MACROD2: variants seen among roughly 807,000 people sequenced by gnomAD.
MACROD2 encodes mono-ADP ribosylhydrolase 2.
In MACROD2, 36 loss-of-function variants were observed where a neutral mutation model predicts 70.4. The observed-to-expected ratio is 0.51, with a 90% CI of 0.39 to 0.68. MACROD2 has a LOEUF of 0.68. Ranked by LOEUF, MACROD2 falls within the 30% of genes least tolerant of loss-of-function variation. MACROD2 has a pLI of 0.00. For missense variants in MACROD2, 496 were observed against 538.4 expected (o/e 0.92, Z 0.78); for synonymous variants, 172 against 178.8 (o/e 0.96, Z 0.30).
At chr20:15,485,482 C>CA (rs2047152421) in intron 7 of MACROD2, among the ~76,000 whole-genome samples, 1 of 152,130 alleles carries the variant, frequency 6.6e-6, no homozygotes, top group African/African-American at 2.4e-5. Context: ...ACAGCTCAAG[C>CA]AGGAGAACAG....
chr20:14,938,113 T>C (rs987774647), intron 5 of MACROD2, among the ~76,000 whole-genome samples: 2 of 152,070 alleles, frequency 1.3e-5, no homozygotes, highest in Non-Finnish European at 2.9e-5. Context: ...CTTTGGTTGA[T>C]TCCATATTTT....
At chr20:14,333,833 A>C (rs1366167730) in intron 3 of MACROD2, among the ~76,000 whole-genome samples, 1 of 152,204 alleles carries the variant, frequency 6.6e-6, no homozygotes, top group Admixed American at 6.5e-5. Context: ...GAAGAAAATC[A>C]ACAACACATA....
chr20:15,657,353 A>C (rs2049746899), intron 8 of MACROD2, among the ~76,000 whole-genome samples: 1 of 152,202 alleles, frequency 6.6e-6, no homozygotes, highest in Non-Finnish European at 1.5e-5. Context: ...AGAAAGAGAA[A>C]TCGAATTCGG....
intron 6 of MACROD2, among the ~76,000 whole-genome samples, chr20:15,289,723 G>A (rs982808952): frequency 1.3e-5 from 2 of 152,170 alleles, no homozygotes; most frequent in African/African-American, 4.8e-5. Context: ...ACTAAAAAGA[G>A]CACTTTTATG....
intron 4 of MACROD2, among the ~76,000 whole-genome samples, chr20:14,498,691 T>A (rs2084883692): frequency 2.0e-5 from 3 of 152,190 alleles, no homozygotes. Flanking sequence ...TCACAAAAAA[T>A]CTGAGTTGCT....
intron 5 of MACROD2, among the ~76,000 whole-genome samples, chr20:14,848,558 A>G (rs2073166672): frequency 6.6e-6 from 1 of 152,160 alleles, no homozygotes; most frequent in Non-Finnish European, 1.5e-5. Flanking sequence ...AGTAAAAAGC[A>G]GGGCCGGAAT....
At chr20:14,310,783 T>G (rs1364061875) in intron 3 of MACROD2, among the ~76,000 whole-genome samples, 1 of 152,158 alleles carries the variant, frequency 6.6e-6, no homozygotes, top group Non-Finnish European at 1.5e-5. Context: ...GTGATCCTGA[T>G]CCTTTTTAGG....
chr20:15,032,724 G>T (rs1397853752), intron 5 of MACROD2, among the ~76,000 whole-genome samples: 1 of 152,116 alleles, frequency 6.6e-6, no homozygotes, highest in East Asian at 1.9e-4. Flanking sequence ...TTCACTTTTT[G>T]GCATATACCT....
At position 15,713,991 on chromosome 20, in the gene MACROD2, A is replaced by G. The variant is rs1387449219; in HGVS notation, c.646-148754A>G. Among the ~76,000 whole-genome samples the G allele has an allele frequency of 4.3e-5, 5 of 117,014 alleles. No homozygotes were observed. The East Asian group carries it at 1.1e-3, about 27-fold the overall frequency. The allele number at this position is 117,014 out of a possible 152,430, so 76.8% of individuals were successfully genotyped here. On this transcript the variant is annotated intron_variant, in intron 8 of 17. Coordinates refer to ENST00000684519, the MANE Select transcript of MACROD2 (RefSeq NM_001351661.2). ...CTAGTAAACACACACACATATGCACACACACACACACACACACACACACAC... is the reference window on the plus strand; with the variant it reads ...CTAGTAAACACACACACATATGCACGCACACACACACACACACACACACAC...
chr20:15,885,824 T>A lies in MACROD2; in HGVS notation c.775+13T>A, dbSNP rs762129256. On this transcript the variant is annotated intron_variant, in intron 10 of 17. Coordinates refer to ENST00000684519, the MANE Select transcript of MACROD2 (RefSeq NM_001351661.2). ...AAAGAAGATTCAGGTATTAAATTCATACTTTTATTATTAGGGGGTAGGTAG... is the reference window on the plus strand; with the variant it reads ...AAAGAAGATTCAGGTATTAAATTCAAACTTTTATTATTAGGGGGTAGGTAG... 1.3e-6 allele frequency: 2 copies of A among 1,500,922 alleles called. No individual in the cohort carries two copies. The highest frequency in any genetic ancestry group is 1.8e-6 in the Non-Finnish European group (2 of 1,125,760). 93.0% of individuals were successfully genotyped at this position (1,500,922 alleles called of 1,614,324 possible).
At chr20:15,570,608 A>G (rs1489035846) in intron 8 of MACROD2, among the ~76,000 whole-genome samples, 1 of 152,176 alleles carries the variant, frequency 6.6e-6, no homozygotes, top group East Asian at 1.9e-4. Context: ...ATTGGCACTC[A>G]CACTTTTTCT....
chr20:15,446,655 G>A (rs745903570), intron 7 of MACROD2, among the ~76,000 whole-genome samples: 14 of 152,188 alleles, frequency 9.2e-5, no homozygotes, highest in Non-Finnish European at 1.8e-4. Context: ...CTGTGAAAGT[G>A]ATCACCGGCA....
At chr20:14,913,002 C>A (rs1181842837) in intron 5 of MACROD2, among the ~76,000 whole-genome samples, 1 of 152,060 alleles carries the variant, frequency 6.6e-6, no homozygotes, top group Admixed American at 6.5e-5. Flanking sequence ...CAAATTCTGT[C>A]TCTCTTCTAT....
intron 5 of MACROD2, among the ~76,000 whole-genome samples, chr20:14,864,363 A>G (rs1311728822): frequency 6.6e-6 from 1 of 152,108 alleles, no homozygotes; most frequent in Non-Finnish European, 1.5e-5. Flanking sequence ...CTATTTCTCC[A>G]TGTAACTTCA....
chr20:16,043,191 C>G (rs6043684), intron 16 of MACROD2, among the ~76,000 whole-genome samples: 1 of 151,782 alleles, frequency 6.6e-6, no homozygotes, highest in South Asian at 2.1e-4. Context: ...GGTTGTTGGC[C>G]TAGAGAAGCT....
chr20:15,127,372 T>C (rs1896225756), intron 5 of MACROD2, among the ~76,000 whole-genome samples: 1 of 152,178 alleles, frequency 6.6e-6, no homozygotes, highest in Admixed American at 6.6e-5. Context: ...ATTAGTTATC[T>C]ACTGCTGCAT....
chr20:15,039,951 T>A (rs2075342631), intron 5 of MACROD2, among the ~76,000 whole-genome samples: 1 of 152,164 alleles, frequency 6.6e-6, no homozygotes, highest in Non-Finnish European at 1.5e-5. Flanking sequence ...CTTCCACACC[T>A]TCCACTTGTT....
intron 3 of MACROD2, among the ~76,000 whole-genome samples, chr20:14,426,594 A>G (rs1056865202): frequency 2.0e-5 from 3 of 152,172 alleles, no homozygotes; most frequent in African/African-American, 4.8e-5. Context: ...TTTTGTGCAT[A>G]AGTTTGTCCA....
At chr20:15,082,984 AC>A (rs1287692866) in intron 5 of MACROD2, among the ~76,000 whole-genome samples, 2 of 152,168 alleles carry the variant, frequency 1.3e-5, no homozygotes, top group African/African-American at 4.8e-5. Context: ...AGTTTCGTTC[AC>A]CCTGAGATCT....
Sources: allele counts gnomAD v4.1 joint callset (sites outside exome capture counted in the v4.1 genomes callset), GRCh38; gene constraint gnomAD v4.1.1; transcripts MANE v1.5; gene names NCBI Gene and HGNC (gene_info 2026-07-23, HGNC 2026-07-21).